The following UBQLN3 variants were observed in gnomAD, a reference collection of about 807,000 sequenced individuals.
The protein encoded by UBQLN3 is ubiquilin-3.
UBQLN3 carries 1 observed loss-of-function variant against 2.9 expected under a neutral mutation model. That is an observed-to-expected ratio of 0.35 (90% CI 0.12 to 1.66). UBQLN3 has a LOEUF of 1.66. Ranked by LOEUF, UBQLN3 falls within the 40% of genes most tolerant of loss-of-function variation. The pLI is 0.35. For synonymous variants in UBQLN3, 358 were observed against 317.6 expected (o/e 1.13, Z -1.35); for missense variants, 924 against 816.5 (o/e 1.13, Z -1.61).
chr11:5,507,860 T>G lies in UBQLN3; in HGVS notation c.1699A>C (p.Met567Leu), dbSNP rs940358694. The change falls in exon 2 of 2, where the codon ATG (methionine) becomes CTG (leucine). Residue 567 changes from methionine to leucine, a missense_variant. Coordinates refer to ENST00000311659, the MANE Select transcript of UBQLN3 (RefSeq NM_017481.4). ...GGIESREDPL[M>L]SEDPLPNPPP... ...GGATTTGGGAGAGGATCCTCAGACATAAGGGGATCTTCTCTAGACTCTATA... is the reference window on the plus strand; with the variant it reads ...GGATTTGGGAGAGGATCCTCAGACAGAAGGGGATCTTCTCTAGACTCTATA... 1 of 1,613,686 alleles carries G rather than the reference T, an allele frequency of 6.2e-7. No homozygotes were observed. Among genetic ancestry groups the G allele is most frequent in the African/African-American group, 1.3e-5 (1 of 74,902 alleles).
chr11:5,509,085 CATCAGGGAGCTTGGCTG>C lies in UBQLN3; in HGVS notation c.457_473del (p.Gln153AlafsTer8), dbSNP rs1197514171. The C allele has an allele frequency of 2.5e-6, 4 of 1,614,032 alleles. No homozygotes were observed. The highest frequency in any genetic ancestry group is 2.5e-6 in the Non-Finnish European group (3 of 1,180,026). The stretch of plus-strand genomic sequence containing the variant: ...ACTCAGGCACAGACACATGCTGCCG[CATCAGGGAGCTTGGCTG>C]GTCAGGGAAGCCACGATAGGCCAAG... On this transcript the variant is annotated frameshift_variant, in exon 2 of 2. Transcript: ENST00000311659. LOFTEE classifies it low-confidence loss of function (END_TRUNC).
At position 5,508,758 on chromosome 11, in the gene UBQLN3, G is replaced by A. The variant is rs139419565; in HGVS notation, c.801C>T (p.Asn267=). The stretch of plus-strand genomic sequence containing the variant: ...TGCCGCCAAACTGCTCCTGGACTGC[G>A]TTAAGCATTGGGTCCATAATATCTG... The part of the protein sequence containing the change: ...MYTDIMDPML[N]AVQEQFGGNP... The change falls in exon 2 of 2, where the codon AAC becomes AAT. Residue 267 remains asparagine, a synonymous_variant. Coordinates refer to ENST00000311659, the MANE Select transcript of UBQLN3 (RefSeq NM_017481.4). The surrounding 1 kb of genome is among the most constrained non-coding windows in gnomAD (Gnocchi z 4.2). The A allele has an allele frequency of 7.1e-5, 115 of 1,613,960 alleles. No homozygotes were observed. Among genetic ancestry groups the A allele is most frequent in the South Asian group, 5.5e-4 (50 of 91,088 alleles).
Position 5,507,759 on chromosome 11 carries a change from T to C in UBQLN3, c.1800A>G (p.Gln600=). Residue 600 remains glutamine (Q), a synonymous_variant, in exon 2 of 2, where the codon CAA becomes CAG. Coordinates refer to ENST00000311659, the MANE Select transcript of UBQLN3 (RefSeq NM_017481.4). ...FLSPPFLHML[Q]DLVSTNPQQL... is the part of the protein sequence containing the mutation. The stretch of plus-strand genomic sequence containing the variant: ...GCTGGGGATTTGTACTAACTAAATC[T>C]TGCAGCATATGGAGAAAGGGAGGGG... 1 of 1,614,110 alleles carries C rather than the reference T, an allele frequency of 6.2e-7. No individual in the cohort carries two copies. The highest frequency in any genetic ancestry group is 8.5e-7 in the Non-Finnish European group (1 of 1,180,022).
At position 5,508,995 on chromosome 11, in the gene UBQLN3, G is replaced by T; in HGVS notation, c.564C>A (p.Arg188=). ...TATGGGGGTTGTCAAGAACCAGCTG[G>T]CGTACTAGGCCTGTGTTGGACAGCA... ...PGLLSNTGLV[R]QLVLDNPHMQ... Residue 188 remains arginine (R), a synonymous_variant, in exon 2 of 2, where the codon CGC becomes CGA. Coordinates refer to ENST00000311659, the MANE Select transcript of UBQLN3 (RefSeq NM_017481.4). This position sits in a 1 kb window ranked among gnomAD's most constrained non-coding sequence, Gnocchi z 4.2. 1.9e-6 allele frequency: 3 copies of T among 1,614,122 alleles called. No homozygotes were observed. Among genetic ancestry groups the T allele is most frequent in the Non-Finnish European group, 2.5e-6 (3 of 1,179,974 alleles).
Position 5,508,145 on chromosome 11 carries a change from G to A in UBQLN3, c.1414C>T (p.Pro472Ser), listed in dbSNP as rs1165321366. ...GGGGATGGCAGCCAGGGAGGCTCAGGGATTCCAGGAATGGCTGCCGTGGGG... is the reference window on the plus strand; with the variant it reads ...GGGGATGGCAGCCAGGGAGGCTCAGAGATTCCAGGAATGGCTGCCGTGGGG... The part of the protein sequence containing the change: ...FSPTAAIPGI[P>S]EPPWLPSPAY... Residue 472 changes from proline (P) to serine (S), a missense_variant, in exon 2 of 2, where the codon CCT (proline) becomes TCT (serine). Physicochemically the swap from Pro to Ser is moderately conservative, Grantham distance 74. Coordinates refer to ENST00000311659, the MANE Select transcript of UBQLN3 (RefSeq NM_017481.4). This position sits in a 1 kb window ranked among gnomAD's most constrained non-coding sequence, Gnocchi z 4.2. 1 of 1,614,076 alleles carries A rather than the reference G, an allele frequency of 6.2e-7. No individual in the cohort carries two copies.
Position 5,507,619 on chromosome 11 carries a change from G to A in UBQLN3, c.1940C>T (p.Ala647Val). ...CGACTGTCTCAGCTTCTCCACAGCA[G>A]CATCCACGTCGCCCCCCGTAGCAAT... ...ALIATGGDVD[A>V]AVEKLRQS The change falls in exon 2 of 2, where the codon GCT becomes GTT. Residue 647 changes from alanine to valine, a missense_variant. Transcript: ENST00000311659. 6.2e-7 allele frequency: 1 copy of A among 1,611,816 alleles called. No individual in the cohort carries two copies. Among genetic ancestry groups the A allele is most frequent in the Non-Finnish European group, 8.5e-7 (1 of 1,178,558 alleles).
At chr11:5,509,655 GGTGA>G in intron 1 of UBQLN3, 61 bp from the exon 2 acceptor site, 1 of 1,484,848 alleles carries the variant, frequency 6.7e-7, no homozygotes, top group Non-Finnish European at 8.9e-7. Flanking sequence ...AAGTAGGAAG[GGTGA>G]GTATGAAAAG....
In UBQLN3 at chr11:5,509,877, T is replaced by C. The variant is rs536634454; in HGVS notation, c.-40A>G. On this transcript the variant is annotated 5_prime_UTR_variant, in exon 1 of 2. Coordinates refer to ENST00000311659, the MANE Select transcript of UBQLN3 (RefSeq NM_017481.4). ...GGCCCAGCTGGGGTGTACATACCAG[T>C]CAGCTGTGGTCCCGTCCTTCTCTTT... is the stretch of plus-strand genomic sequence containing the variant. 1.2e-4 allele frequency: 35 copies of C among 283,742 alleles called. 1 individual carries two copies. Among genetic ancestry groups the C allele is most frequent in the Non-Finnish European group, 2.1e-4 (32 of 151,046 alleles). 17.6% of individuals were successfully genotyped at this position (283,742 alleles called of 1,614,324 possible). A position where few individuals can be genotyped will look rare whatever the true frequency, so the allele number is the denominator to read the frequency against.
Position 5,508,656 on chromosome 11 carries a change from A to T in UBQLN3, c.903T>A (p.Pro301=), listed in dbSNP as rs1293661131. 1 of 1,613,826 alleles carries T rather than the reference A, an allele frequency of 6.2e-7. No homozygotes were observed. Among genetic ancestry groups the T allele is most frequent in the Admixed American group, 1.7e-5 (1 of 59,994 alleles). ...SQPSRMENCD[P]LPNPWTSTHG... is the part of the protein sequence containing the mutation. ...GTGTGGAAGTCCAGGGGTTGGGGAG[A>T]GGGTCACAATTCTCCATCCTTGAAG... Residue 301 remains proline, a synonymous_variant, in exon 2 of 2, where the codon CCT becomes CCA. Coordinates refer to ENST00000311659, the MANE Select transcript of UBQLN3 (RefSeq NM_017481.4). The surrounding 1 kb of genome is among the most constrained non-coding windows in gnomAD (Gnocchi z 4.2).
rs1224820952 is a variant in UBQLN3, at chr11:5,508,217, G to A, written c.1342C>T (p.Leu448=). 1.2e-6 allele frequency: 2 copies of A among 1,614,068 alleles called. No individual in the cohort carries two copies. Among genetic ancestry groups the A allele is most frequent in the African/African-American group, 2.7e-5 (2 of 74,930 alleles). Residue 448 remains leucine (L), a synonymous_variant, in exon 2 of 2, where the codon CTG becomes TTG. Coordinates refer to ENST00000311659, the MANE Select transcript of UBQLN3 (RefSeq NM_017481.4). This position sits in a 1 kb window ranked among gnomAD's most constrained non-coding sequence, Gnocchi z 4.2. ...STNLPDLVSG[L]GDSANRVPFA... is the part of the protein sequence containing the mutation. ...GGAACCCTGTTGGCAGAATCTCCCA[G>A]CCCCGAGACAAGATCAGGCAAGTTT...
chr11:5,507,615 A>G lies in UBQLN3; in HGVS notation c.1944T>C (p.Ala648=). 1.2e-6 allele frequency: 2 copies of G among 1,611,386 alleles called. No homozygotes were observed. The highest frequency in any genetic ancestry group is 1.7e-6 in the Non-Finnish European group (2 of 1,178,318). The change falls in exon 2 of 2, where the codon GCT becomes GCC. Residue 648 remains alanine (A), a synonymous_variant. Transcript: ENST00000311659. ...CCTACGACTGTCTCAGCTTCTCCAC[A>G]GCAGCATCCACGTCGCCCCCCGTAG... ...LIATGGDVDA[A]VEKLRQS is the part of the protein sequence containing the mutation.
At position 5,507,450 on chromosome 11, in the gene UBQLN3, GAAC is replaced by G; in HGVS notation, c.*138_*140del. 6.9e-7 allele frequency: 1 copy of G among 1,453,286 alleles called. No individual in the cohort carries two copies. 90.0% of individuals were successfully genotyped at this position (1,453,286 alleles called of 1,614,324 possible). ...CCATTAGTCTTCCTCGTTGACTCTGGAACAACATTGCCTCCACAGCAAAGGACT... is the reference window on the plus strand; with the variant it reads ...CCATTAGTCTTCCTCGTTGACTCTGGAACATTGCCTCCACAGCAAAGGACT... On this transcript the variant is annotated 3_prime_UTR_variant, in exon 2 of 2. Transcript: ENST00000311659.
chr11:5,508,769 G>T lies in UBQLN3; in HGVS notation c.790C>A (p.Pro264Thr). ...LCTMYTDIMD[P>T]MLNAVQEQFG... ...TGCTCCTGGACTGCGTTAAGCATTG[G>T]GTCCATAATATCTGTGTACATAGTG... Residue 264 changes from proline (P) to threonine (T), a missense_variant, in exon 2 of 2, where the codon CCA becomes ACA. Pro to Thr is a conservative substitution (Grantham distance 38, BLOSUM62 -1). Transcript: ENST00000311659. The surrounding 1 kb of genome is among the most constrained non-coding windows in gnomAD (Gnocchi z 4.2). 1 of 1,614,062 alleles carries T rather than the reference G, an allele frequency of 6.2e-7. No individual in the cohort carries two copies. The highest frequency in any genetic ancestry group is 8.5e-7 in the Non-Finnish European group (1 of 1,180,024).
chr11:5,507,672 C>T lies in UBQLN3; in HGVS notation c.1887G>A (p.Leu629=), dbSNP rs1311505774. ...GGGCCTGAAGATTGGCTTCACGATT[C>T]AGAAAGCCCATGGACCGCAGTTGCT... The part of the protein sequence containing the change: ...QLEQLRSMGF[L]NREANLQALI... The change falls in exon 2 of 2, where the codon CTG becomes CTA. Residue 629 remains leucine, a synonymous_variant. Coordinates refer to ENST00000311659, the MANE Select transcript of UBQLN3 (RefSeq NM_017481.4). 3.7e-6 allele frequency: 6 copies of T among 1,614,094 alleles called. No homozygotes were observed. The South Asian group carries it at 6.6e-5, about 18-fold the overall frequency.
In UBQLN3 at chr11:5,508,385, AC is replaced by A. The variant is rs1485503565; in HGVS notation, c.1173del (p.Ser392GlnfsTer10). The A allele has an allele frequency of 6.2e-7, 1 of 1,602,104 alleles. No individual in the cohort carries two copies. The highest frequency in any genetic ancestry group is 8.5e-7 in the Non-Finnish European group (1 of 1,174,428). On this transcript the variant is annotated frameshift_variant, in exon 2 of 2. Coordinates refer to ENST00000311659, the MANE Select transcript of UBQLN3 (RefSeq NM_017481.4). LOFTEE classifies it low-confidence loss of function (END_TRUNC). This position sits in a 1 kb window ranked among gnomAD's most constrained non-coding sequence, Gnocchi z 4.2. Reference protein sequence around the residue: ...PPSSPSSQEPGSGQPLPEESV... With the variant: ...PPSSPSSQEPXSGQPLPEESV... ...GACTCCTCGGGGAGAGGCTGGCCTG[AC>A]CCAGGCTCCTGAGATGAGGGTGACG...
Position 5,508,690 on chromosome 11 carries a change from G to T in UBQLN3, c.869C>A (p.Thr290Asn). The T allele has an allele frequency of 6.2e-7, 1 of 1,612,714 alleles. No homozygotes were observed. The highest frequency in any genetic ancestry group is 8.5e-7 in the Non-Finnish European group (1 of 1,179,720). The change falls in exon 2 of 2, where the codon ACC becomes AAC. Residue 290 changes from threonine (T) to asparagine (N), a missense_variant. Coordinates refer to ENST00000311659, the MANE Select transcript of UBQLN3 (RefSeq NM_017481.4). The surrounding 1 kb of genome is among the most constrained non-coding windows in gnomAD (Gnocchi z 4.2). ...TATTDNATTT[T>N]SQPSRMENCD... ...ATTCTCCATCCTTGAAGGTTGGCTG[G>T]TGGTGGTGGTGGCATTATCAGTAGT...
rs1200110732 is a variant in UBQLN3, at chr11:5,508,791, A to G, written c.768T>C (p.Thr256=). ...TTGGGTCCATAATATCTGTGTACAT[A>G]GTGCAAAGCACATTGTAGCCACCAG... is the stretch of plus-strand genomic sequence containing the variant. ...SIPGGYNVLC[T]MYTDIMDPML... is the part of the protein sequence containing the mutation. Residue 256 remains threonine, a synonymous_variant, in exon 2 of 2, where the codon ACT becomes ACC. Coordinates refer to ENST00000311659, the MANE Select transcript of UBQLN3 (RefSeq NM_017481.4). The surrounding 1 kb of genome is among the most constrained non-coding windows in gnomAD (Gnocchi z 4.2). 6.2e-7 allele frequency: 1 copy of G among 1,614,058 alleles called. No individual in the cohort carries two copies. The highest frequency in any genetic ancestry group is 8.5e-7 in the Non-Finnish European group (1 of 1,180,040).
rs115144081 is a variant in UBQLN3, at chr11:5,509,814, C to T, written c.-37+60G>A. ...AAATGCAGGGCCCTGGGAAAGAGGT[C>T]TGTAGTTGATGAATACAGGGACAAA... On this transcript the variant is annotated intron_variant, in intron 1 of 1. Transcript: ENST00000311659. The T allele has an allele frequency of 5.6e-3, 2,960 of 527,346 alleles. 48 individuals carry two copies. The highest frequency in any genetic ancestry group is 0.041 in the African/African-American group (2,160 of 52,208). The allele number at this position is 527,346 out of a possible 1,614,324, so 32.7% of individuals were successfully genotyped here. A position where few individuals can be genotyped will look rare whatever the true frequency, so the allele number is the denominator to read the frequency against.
At position 5,509,758 on chromosome 11, in the gene UBQLN3, G is replaced by A. The variant is rs970066470; in HGVS notation, c.-37+116C>T. The stretch of plus-strand genomic sequence containing the variant: ...GGGCAGGATGCTTTAGGAAGATTGC[G>A]GGATTGAGATATGTTGGAATCAGGG... On this transcript the variant is annotated intron_variant, in intron 1 of 1. Coordinates refer to ENST00000311659, the MANE Select transcript of UBQLN3 (RefSeq NM_017481.4). 199 of 866,398 alleles carry A rather than the reference G, an allele frequency of 2.3e-4. No homozygotes were observed. The East Asian group carries it at 4.7e-3, about 21-fold the overall frequency. 53.7% of individuals were successfully genotyped at this position (866,398 alleles called of 1,614,324 possible).
Sources: allele counts gnomAD v4.1 joint callset, GRCh38; gene constraint gnomAD v4.1.1; non-coding constraint Gnocchi (gnomAD v3.1); transcripts MANE v1.5; gene names NCBI Gene and HGNC (gene_info 2026-07-23, HGNC 2026-07-21).